DNAAF4: variants seen among roughly 807,000 people sequenced by gnomAD.
DNAAF4 encodes the protein dynein assembly factor 4, axonemal.
In DNAAF4, 43 loss-of-function variants were observed where a neutral mutation model predicts 51.8. The observed-to-expected ratio is 0.83, with a 90% CI of 0.65 to 1.07. The LOEUF (loss-of-function observed/expected upper bound fraction) is 1.07. DNAAF4 is among the 50% of genes least tolerant of loss of function. The pLI is 0.00. For synonymous variants in DNAAF4, 194 were observed against 165.6 expected (o/e 1.17, Z -1.32); for missense variants, 581 against 493.0 (o/e 1.18, Z -1.69).
intron 3 of DNAAF4, among the ~76,000 whole-genome samples, chr15:55,491,549 C>A (rs895816846): frequency 4.0e-5 from 6 of 149,190 alleles, no homozygotes; most frequent in African/African-American, 1.5e-4. Context: ...GATGAAGGTG[C>A]AAGGACACAT....
chr15:55,465,565 T>TC (rs1555417747), intron 5 of DNAAF4, among the ~76,000 whole-genome samples: 1 of 121,504 alleles, frequency 8.2e-6, no homozygotes, highest in African/African-American at 3.4e-5. Flanking sequence ...ATGTTCTCAC[T>TC]TTTTTTTTTT....
rs374949147 is a variant in DNAAF4 at position 55,459,953 on chromosome 15, C to T, written c.637+6977G>A. ...TCCTGACCTCGTAATCTGCCCGCCT[C>T]GGCCTCCCAAAGTGCTGGGATTACA... On this transcript the variant is annotated intron_variant, in intron 5 of 9. Coordinates refer to ENST00000321149, the MANE Select transcript of DNAAF4 (RefSeq NM_130810.4). Among the ~76,000 whole-genome samples the T allele has an allele frequency of 3.8e-4, 57 of 151,996 alleles. 1 individual carries two copies. Among genetic ancestry groups the T allele is most frequent in the Middle Eastern group, 3.4e-3 (1 of 290 alleles).
chr15:55,438,749 C>T (rs1380798336), intron 7 of DNAAF4, among the ~76,000 whole-genome samples: 2 of 150,128 alleles, frequency 1.3e-5, no homozygotes, highest in East Asian at 3.9e-4. Context: ...TGCACCACTA[C>T]ACTCCAGCCT....
intron 5 of DNAAF4, among the ~76,000 whole-genome samples, chr15:55,463,787 A>G (rs1191087918): frequency 6.6e-6 from 1 of 152,188 alleles, no homozygotes; most frequent in Non-Finnish European, 1.5e-5. Context: ...ACTACAAAAC[A>G]CTGCTGAAAG....
chr15:55,464,762 G>A (rs2058144067), intron 5 of DNAAF4, among the ~76,000 whole-genome samples: 1 of 152,172 alleles, frequency 6.6e-6, no homozygotes, highest in Admixed American at 6.6e-5. Context: ...GAGGTCAAGA[G>A]TTCGAGACCA....
intron 7 of DNAAF4, among the ~76,000 whole-genome samples, chr15:55,439,103 T>C (rs2141421826): frequency 6.6e-6 from 1 of 152,320 alleles, no homozygotes; most frequent in South Asian, 2.1e-4. Context: ...ATGTGATAAC[T>C]ACTTTGTTTG....
chr15:55,485,641 A>AT (rs947569323), intron 4 of DNAAF4, among the ~76,000 whole-genome samples: 5 of 152,102 alleles, frequency 3.3e-5, no homozygotes, highest in Non-Finnish European at 7.4e-5. Flanking sequence ...ACAAGAAATG[A>AT]TAAAAAAAAA....
chr15:55,443,383 G>T (rs1263135407), intron 6 of DNAAF4: 1 of 654,550 alleles, frequency 1.5e-6, no homozygotes, highest in South Asian at 1.9e-5. Context: ...AGGCCGTGGG[G>T]CCGCACTTGC....
chr15:55,498,853 G>A (rs2058675019), intron 1 of DNAAF4, among the ~76,000 whole-genome samples: 2 of 150,302 alleles, frequency 1.3e-5, no homozygotes, highest in South Asian at 4.2e-4. Flanking sequence ...AGGGGTCGCA[G>A]TGAGCCGAAA....
intron 6 of DNAAF4, among the ~76,000 whole-genome samples, chr15:55,440,479 C>T (rs1163248276): frequency 6.6e-6 from 1 of 151,440 alleles, no homozygotes; most frequent in Non-Finnish European, 1.5e-5. Context: ...CCCAGGTTCA[C>T]ACCATTCTCC....
chr15:55,500,775 C>T (rs908301031), intron 1 of DNAAF4, among the ~76,000 whole-genome samples: 1 of 151,868 alleles, frequency 6.6e-6, no homozygotes, highest in African/African-American at 2.4e-5. Context: ...GGCGGATCAC[C>T]TGAGGTTGGG....
chr15:55,496,416 G>T (rs147705356), intron 3 of DNAAF4, among the ~76,000 whole-genome samples: 4 of 152,176 alleles, frequency 2.6e-5, no homozygotes, highest in African/African-American at 7.2e-5. Flanking sequence ...ATCTGCTCTA[G>T]AGTGAAACTG....
intron 7 of DNAAF4, among the ~76,000 whole-genome samples, chr15:55,423,301 C>T (rs528397404): frequency 2.0e-5 from 3 of 151,890 alleles, no homozygotes; most frequent in Non-Finnish European, 4.4e-5. Flanking sequence ...TCGACTTCCC[C>T]GGCTCAAGCG....
intron 1 of DNAAF4, among the ~76,000 whole-genome samples, chr15:55,502,435 C>G (rs1288829192): frequency 6.6e-6 from 1 of 152,166 alleles, no homozygotes; most frequent in Non-Finnish European, 1.5e-5. Context: ...ACTTTTCATT[C>G]TCTATCAAAC....
chr15:55,491,683 A>G (rs1053272969), intron 3 of DNAAF4, among the ~76,000 whole-genome samples: 3 of 140,684 alleles, frequency 2.1e-5, no homozygotes, highest in African/African-American at 5.3e-5. Flanking sequence ...ATAATATTAT[A>G]TTATTATATA....
intron 4 of DNAAF4, among the ~76,000 whole-genome samples, chr15:55,486,193 GGTTT>G (rs2058486436): frequency 7.0e-6 from 1 of 142,960 alleles, no homozygotes; most frequent in Admixed American, 6.8e-5. Context: ...TTGGTTGGTT[GGTTT>G]TTTTTTTTTT....
intron 8 of DNAAF4, among the ~76,000 whole-genome samples, chr15:55,434,438 A>T (rs1217058750): frequency 6.6e-6 from 1 of 152,126 alleles, no homozygotes; most frequent in African/African-American, 2.4e-5. Context: ...ACATGGAAAA[A>T]AGAAAAAGCT....
chr15:55,433,369 GGGAGGCCCAGGCGGGC>G (rs996233645), intron 8 of DNAAF4, among the ~76,000 whole-genome samples: 95 of 152,266 alleles, frequency 6.2e-4, no homozygotes, highest in African/African-American at 1.9e-3. Flanking sequence ...CCAGCACTTT[GGGAGGCCCAGGCGGGC>G]GGAGGCCCAG....
chr15:55,447,010 T>TCCCCA (rs1181258667), intron 6 of DNAAF4, among the ~76,000 whole-genome samples: 14 of 133,884 alleles, frequency 1.0e-4, no homozygotes, highest in African/African-American at 3.8e-4. Flanking sequence ...GCAGAGGCGC[T>TCCCCA]CTCCACTTCC....
Sources: gnomAD v4.1 joint callset for allele counts (sites outside exome capture counted in the v4.1 genomes callset) on GRCh38, gnomAD v4.1.1 for gene constraint, MANE v1.5 for transcripts, NCBI Gene and HGNC (gene_info 2026-07-23, HGNC 2026-07-21) for gene names.